SV2C: variants seen among roughly 807,000 people sequenced by gnomAD.
SV2C encodes the protein solute carrier family 22 member B3.
Under a neutral mutation model 79.7 loss-of-function variants are expected in SV2C, and 49 were observed. The ratio of observed to expected loss-of-function variants is 0.61; its 90% CI spans 0.49 to 0.78. SV2C has a LOEUF of 0.78. Ranked by LOEUF, SV2C falls within the 30% of genes least tolerant of loss-of-function variation. The pLI is 0.00. For synonymous variants in SV2C, 334 were observed against 333.2 expected, an observed-to-expected ratio of 1.00 and a Z score of -0.03; for missense variants, 833 against 912.9, an observed-to-expected ratio of 0.91 and a Z score of 1.13.
At chr5:76,220,266 G>A (rs963945037) in intron 4 of SV2C, among the ~76,000 whole-genome samples, 1 of 152,186 alleles carries the variant, frequency 6.6e-6, no homozygotes, top group Admixed American at 6.5e-5. Context: ...CCACAATTTT[G>A]AAGTAGATAC....
chr5:76,250,951 T>C (rs1746096129), intron 4 of SV2C, among the ~76,000 whole-genome samples: 1 of 152,106 alleles, frequency 6.6e-6, no homozygotes, highest in Non-Finnish European at 1.5e-5. Flanking sequence ...TTACTTACGA[T>C]CTGAAAACTA....
chr5:75,907,160 C>G, the SV2C span, among the ~76,000 whole-genome samples: 1 of 152,192 alleles, frequency 6.6e-6, no homozygotes, highest in Admixed American at 6.5e-5. Context: ...ACCAACCCCT[C>G]AAGACTCCAT....
chr5:76,071,090 G>A, the SV2C span, among the ~76,000 whole-genome samples: 7 of 152,200 alleles, frequency 4.6e-5, no homozygotes, highest in African/African-American at 7.2e-5. Flanking sequence ...AAGGGTAGAC[G>A]CTTCTTTCCT....
chr5:76,030,285 T>TATTTATTTATTTA, the SV2C span, among the ~76,000 whole-genome samples: 3,231 of 109,884 alleles, frequency 0.029, 197 homozygotes, highest in African/African-American at 0.16. Context: ...TTTTTTTTTT[T>TATTTATTTATTTA]TTTTTTTATT....
chr5:76,258,366 A>T (rs1285833946), intron 4 of SV2C, among the ~76,000 whole-genome samples: 1 of 152,106 alleles, frequency 6.6e-6, no homozygotes, highest in Non-Finnish European at 1.5e-5. Context: ...AGGAGAAATT[A>T]ACCAGCTTTG....
At chr5:76,275,976 C>G (rs919426643) in intron 4 of SV2C, among the ~76,000 whole-genome samples, 1 of 152,168 alleles carries the variant, frequency 6.6e-6, no homozygotes, top group Non-Finnish European at 1.5e-5. Context: ...ATAAAAGGTT[C>G]ATTTAAAAGA....
rs142785946 is a variant in SV2C, at chr5:76,258,506, T to C, written c.914-26656T>C. The stretch of plus-strand genomic sequence containing the variant: ...CTACTGTAAACAGCAAGAAGAATGT[T>C]CAGATGGAAATGAATCCTTACAACC... On this transcript the variant is annotated intron_variant, in intron 4 of 12. Coordinates refer to ENST00000502798, the MANE Select transcript of SV2C (RefSeq NM_014979.4). 6.0e-3 allele frequency among the ~76,000 whole-genome samples: 912 copies of C among 152,284 alleles called. 9 individuals are homozygous for C. Among genetic ancestry groups the C allele is most frequent in the Non-Finnish European group, 7.8e-3 (528 of 68,020 alleles).
chr5:76,269,604 G>A (rs902329057), intron 4 of SV2C, among the ~76,000 whole-genome samples: 2 of 152,156 alleles, frequency 1.3e-5, no homozygotes, highest in Non-Finnish European at 2.9e-5. Flanking sequence ...ACTCGAGCCT[G>A]CCTATCCTTT....
intron 2 of SV2C, among the ~76,000 whole-genome samples, chr5:76,143,344 G>A (rs958653428): frequency 2.0e-5 from 3 of 152,166 alleles, no homozygotes; most frequent in Non-Finnish European, 2.9e-5. Flanking sequence ...TCCAAACACT[G>A]AAGTAGCCCC....
chr5:75,919,726 C>T, the SV2C span, among the ~76,000 whole-genome samples: 1 of 152,174 alleles, frequency 6.6e-6, no homozygotes, highest in Non-Finnish European at 1.5e-5. Context: ...GATGTTCTTT[C>T]TTAGTAGGTA....
chr5:76,041,108 G>T, the SV2C span, among the ~76,000 whole-genome samples: 1 of 152,108 alleles, frequency 6.6e-6, no homozygotes, highest in Non-Finnish European at 1.5e-5. Context: ...CTGATTCACT[G>T]GCCCATTCTT....
chr5:75,875,778 C>G, the SV2C span, among the ~76,000 whole-genome samples: 1 of 151,888 alleles, frequency 6.6e-6, no homozygotes, highest in Admixed American at 6.6e-5. Context: ...GAACAGGCAC[C>G]TCTCAAAAGA....
At chr5:76,042,456 T>C in the SV2C span, among the ~76,000 whole-genome samples, 1 of 152,238 alleles carries the variant, frequency 6.6e-6, no homozygotes, top group Admixed American at 6.5e-5. Context: ...GTTTCATAAA[T>C]GTTGAGGCCC....
intron 8 of SV2C, among the ~76,000 whole-genome samples, chr5:76,292,295 T>C (rs932135559): frequency 3.9e-5 from 6 of 152,286 alleles, no homozygotes; most frequent in South Asian, 2.1e-4. Context: ...GATGTCACCT[T>C]CTCAGTGATG....
At chr5:75,869,747 A>C in the SV2C span, among the ~76,000 whole-genome samples, 1 of 152,286 alleles carries the variant, frequency 6.6e-6, no homozygotes, top group South Asian at 2.1e-4. Flanking sequence ...CCACAGTCCT[A>C]GCATTGGTGG....
At chr5:75,890,201 A>C in the SV2C span, among the ~76,000 whole-genome samples, 1 of 152,028 alleles carries the variant, frequency 6.6e-6, no homozygotes, top group Non-Finnish European at 1.5e-5. Context: ...TGAAGTCAGC[A>C]CTCCAGGAGC....
chr5:76,010,324 G>T, the SV2C span, among the ~76,000 whole-genome samples: 98 of 152,128 alleles, frequency 6.4e-4, no homozygotes, highest in African/African-American at 2.3e-3. Context: ...ATCACTCACC[G>T]CTAATTATCC....
chr5:75,933,189 C>T, the SV2C span, among the ~76,000 whole-genome samples: 4 of 152,180 alleles, frequency 2.6e-5, no homozygotes, highest in Non-Finnish European at 5.9e-5. Context: ...ACCCTACCCC[C>T]GCATCATCAC....
At chr5:76,099,583 T>TTC in intron 1 of SV2C, among the ~76,000 whole-genome samples, 1 of 152,300 alleles carries the variant, frequency 6.6e-6, no homozygotes, top group South Asian at 2.1e-4. Flanking sequence ...CAACACAGAA[T>TTC]TCTCTTTCAT....
Sources: allele counts gnomAD v4.1 joint callset (sites outside exome capture counted in the v4.1 genomes callset), GRCh38; gene constraint gnomAD v4.1.1; transcripts MANE v1.5; gene names NCBI Gene and HGNC (gene_info 2026-07-23, HGNC 2026-07-21).